Variants in CARMIL1 observed in about 807,000 individuals in gnomAD.
CARMIL1 encodes capping protein regulator and myosin 1 linker 1.
A neutral mutation model predicts 177.1 loss-of-function variants in CARMIL1; 90 were observed. That is an observed-to-expected ratio of 0.51 (90% CI 0.43 to 0.61). The LOEUF is 0.61. CARMIL1 is among the 20% of genes least tolerant of loss of function. The probability of loss-of-function intolerance (pLI) is 0.00; values close to 1 mark genes in which losing one functional copy is unlikely to be tolerated. For missense variants in CARMIL1, 1,380 were observed against 1,667.0 expected (o/e 0.83, Z 3.00); for synonymous variants, 577 against 606.2 (o/e 0.95, Z 0.71).
intron 5 of CARMIL1, among the ~76,000 whole-genome samples, chr6:25,441,231 T>C (rs1797711673): frequency 6.6e-6 from 1 of 151,390 alleles, no homozygotes; most frequent in Non-Finnish European, 1.5e-5. Flanking sequence ...GCCCAGGAGT[T>C]TGAACTTGCA....
chr6:25,389,922 A>G (rs1337857135), intron 2 of CARMIL1, among the ~76,000 whole-genome samples: 2 of 152,020 alleles, frequency 1.3e-5, no homozygotes, highest in Non-Finnish European at 2.9e-5. Flanking sequence ...GAAGCATTTT[A>G]CTCTATTGTT....
At chr6:25,428,990 A>G (rs1426080764) in intron 4 of CARMIL1, among the ~76,000 whole-genome samples, 1 of 152,054 alleles carries the variant, frequency 6.6e-6, no homozygotes, top group Non-Finnish European at 1.5e-5. Flanking sequence ...GGTACCTTTT[A>G]TTTTTAACAT....
chr6:25,516,657 C>T (rs1483712344), intron 21 of CARMIL1, among the ~76,000 whole-genome samples: 1 of 152,202 alleles, frequency 6.6e-6, no homozygotes, highest in Non-Finnish European at 1.5e-5. Flanking sequence ...CAAATAAAAG[C>T]TATTTTATGT....
rs1215916289 is a variant in CARMIL1 at position 25,403,526 on chromosome 6, C to G, written c.139-16588C>G. ...TCACCTCACCCCCACCTTATCACCC[C>G]TCTGACCTCCCCTGCGCTTACTCCC... On this transcript the variant is annotated intron_variant, in intron 2 of 36. Transcript: ENST00000329474. Among the ~76,000 whole-genome samples the G allele has an allele frequency of 3.3e-5, 5 of 152,192 alleles. No homozygotes were observed. The East Asian group carries it at 9.6e-4, about 29-fold the overall frequency.
In CARMIL1 at chr6:25,600,576, A is replaced by G; in HGVS notation, c.3382A>G (p.Thr1128Ala). 6.2e-7 allele frequency: 1 copy of G among 1,613,958 alleles called. No homozygotes were observed. The highest frequency in any genetic ancestry group is 8.5e-7 in the Non-Finnish European group (1 of 1,179,896). Residue 1128 changes from threonine to alanine, a missense_variant, in exon 33 of 37, where the codon ACA becomes GCA. Physicochemically the swap from Thr to Ala is moderately conservative, Grantham distance 58. Coordinates refer to ENST00000329474, the MANE Select transcript of CARMIL1 (RefSeq NM_017640.6). ...TTCTGAACGGATAGAGGAGATAAAA[A>G]CACCTGACTCCTTTGAAGAGAGTCA... ...GNSERIEEIK[T>A]PDSFEESQGE...
Position 25,606,239 on chromosome 6 carries a change from C to T in CARMIL1, c.3813C>T (p.Val1271=). Residue 1271 remains valine, a synonymous_variant, in exon 35 of 37, where the codon GTC becomes GTT. Coordinates refer to ENST00000329474, the MANE Select transcript of CARMIL1 (RefSeq NM_017640.6). ...AACCCAGTCTGGCAGCACGGCCCGT[C>T]ATCCCGCAGAAACCAAGAACCGCCT... ...SPKPSLAARP[V]IPQKPRTASR... 6.2e-7 allele frequency: 1 copy of T among 1,613,874 alleles called. No individual in the cohort carries two copies. The highest frequency in any genetic ancestry group is 8.5e-7 in the Non-Finnish European group (1 of 1,179,866).
intron 31 of CARMIL1, 62 bp downstream of exon 31, chr6:25,581,501 G>A: frequency 6.9e-7 from 1 of 1,459,456 alleles, no homozygotes; most frequent in Non-Finnish European, 9.2e-7. Flanking sequence ...GGGGAAAGTT[G>A]GAGGGTCTTG....
In CARMIL1 at chr6:25,608,496, G is replaced by T. The variant is rs554384698; in HGVS notation, c.3848-1554G>T. 1.5e-4 allele frequency among the ~76,000 whole-genome samples: 23 copies of T among 152,298 alleles called. No homozygotes were observed. The South Asian group carries it at 4.6e-3, about 30-fold the overall frequency. On this transcript the variant is annotated intron_variant, in intron 35 of 36. Transcript: ENST00000329474. ...GTGGATAAAGGGGGACCACTCCCCA[G>T]TTTCTAATGCTGAATATAAAACTAG... is the stretch of plus-strand genomic sequence containing the variant.
intron 2 of CARMIL1, among the ~76,000 whole-genome samples, chr6:25,330,888 G>GTT (rs67633087): frequency 1.6e-4 from 19 of 118,200 alleles, no homozygotes; most frequent in East Asian, 5.2e-4. Flanking sequence ...TTTTCAAGAG[G>GTT]TTTTTTTTTT....
At chr6:25,512,141 G>C (rs1330039404) in intron 20 of CARMIL1, among the ~76,000 whole-genome samples, 1 of 151,894 alleles carries the variant, frequency 6.6e-6, no homozygotes, top group East Asian at 1.9e-4. Flanking sequence ...ACCCCAAGAT[G>C]TTTTTTTCTT....
chr6:25,341,459 C>A (rs1786928149), intron 2 of CARMIL1, among the ~76,000 whole-genome samples: 1 of 152,256 alleles, frequency 6.6e-6, no homozygotes, highest in Non-Finnish European at 1.5e-5. Flanking sequence ...CATGGTGGCT[C>A]ATGCCTATAA....
intron 23 of CARMIL1, among the ~76,000 whole-genome samples, chr6:25,524,736 A>G (rs935211148): frequency 1.3e-5 from 2 of 152,206 alleles, no homozygotes; most frequent in Non-Finnish European, 1.5e-5. Context: ...AAAAGCAGAC[A>G]ACATGCAAGA....
chr6:25,421,510 C>A (rs376814809), intron 3 of CARMIL1, among the ~76,000 whole-genome samples: 1 of 152,082 alleles, frequency 6.6e-6, no homozygotes, highest in African/African-American at 2.4e-5. Flanking sequence ...TTGACCCAGC[C>A]ATCGCATTAC....
At chr6:25,348,692 G>A (rs1362989292) in intron 2 of CARMIL1, among the ~76,000 whole-genome samples, 6 of 152,034 alleles carry the variant, frequency 3.9e-5, no homozygotes, top group Admixed American at 3.9e-4. Flanking sequence ...TGAGGCAGGA[G>A]AATCACTTGA....
At chr6:25,369,994 T>C (rs1275513787) in intron 2 of CARMIL1, 1 of 152,266 alleles carries the variant, frequency 6.6e-6, no homozygotes, top group Non-Finnish European at 1.5e-5. Context: ...CTTGGCCTTT[T>C]GCCATGTGTG....
intron 32 of CARMIL1, among the ~76,000 whole-genome samples, chr6:25,596,202 G>A (rs931829750): frequency 7.6e-6 from 1 of 132,380 alleles, no homozygotes; most frequent in East Asian, 2.8e-4. Flanking sequence ...TAAAGATACT[G>A]CTCAAGGAAG....
At chr6:25,568,742 T>C (rs964939320) in intron 29 of CARMIL1, among the ~76,000 whole-genome samples, 1 of 152,204 alleles carries the variant, frequency 6.6e-6, no homozygotes, top group Non-Finnish European at 1.5e-5. Flanking sequence ...AAAACCTTAG[T>C]AATGCTTCTA....
intron 8 of CARMIL1, among the ~76,000 whole-genome samples, chr6:25,463,956 G>A (rs1800359608): frequency 6.6e-6 from 1 of 150,452 alleles, no homozygotes; most frequent in Admixed American, 6.6e-5. Context: ...CCGAGTAGCT[G>A]GGACTACAGG....
intron 2 of CARMIL1, among the ~76,000 whole-genome samples, chr6:25,296,958 AC>A (rs1267331843): frequency 6.6e-6 from 1 of 150,498 alleles, no homozygotes; most frequent in African/African-American, 2.4e-5. Flanking sequence ...TAACTAACTA[AC>A]TAACTAAAGC....
Sources: allele counts gnomAD v4.1 joint callset (sites outside exome capture counted in the v4.1 genomes callset), GRCh38; gene constraint gnomAD v4.1.1; transcripts MANE v1.5; gene names NCBI Gene and HGNC (gene_info 2026-07-23, HGNC 2026-07-21).